Variants in DOCK2 observed in about 807,000 individuals in gnomAD.
DOCK2 encodes the protein dedicator of cytokinesis protein 2.
Under a neutral mutation model 248.9 loss-of-function variants are expected in DOCK2, and 87 were observed. The ratio of observed to expected loss-of-function variants is 0.35; its 90% CI spans 0.29 to 0.42. The LOEUF is 0.42. Ranked by LOEUF, DOCK2 falls within the 10% of genes least tolerant of loss-of-function variation. DOCK2 has a pLI of 1.00. For synonymous variants in DOCK2, 805 were observed against 821.6 expected (o/e 0.98, Z 0.35); for missense variants, 1,747 against 2,300.2 (o/e 0.76, Z 4.92).
intron 23 of DOCK2, among the ~76,000 whole-genome samples, chr5:169,753,627 T>G (rs996059609): frequency 1.3e-5 from 2 of 152,182 alleles, no homozygotes; most frequent in Admixed American, 6.5e-5. Context: ...CACCAAACAA[T>G]AGCGCAATTT....
chr5:169,976,185 A>G (rs565963439), intron 27 of DOCK2, among the ~76,000 whole-genome samples: 1 of 152,382 alleles, frequency 6.6e-6, no homozygotes, highest in South Asian at 2.1e-4. Context: ...ACCTTCTGAC[A>G]AAGAACAATG....
chr5:169,927,852 A>C (rs373165335), intron 27 of DOCK2, among the ~76,000 whole-genome samples: 2 of 152,114 alleles, frequency 1.3e-5, no homozygotes, highest in Non-Finnish European at 2.9e-5. Flanking sequence ...TCCTGACCTC[A>C]TGATCCACCC....
intron 33 of DOCK2, among the ~76,000 whole-genome samples, chr5:170,027,608 C>T (rs1755964412): frequency 6.6e-6 from 1 of 152,238 alleles, no homozygotes. Flanking sequence ...CTCTCTCCCT[C>T]TCCTGCACTC....
At chr5:169,936,545 T>C (rs1447531343) in intron 27 of DOCK2, among the ~76,000 whole-genome samples, 1 of 151,250 alleles carries the variant, frequency 6.6e-6, no homozygotes, top group Non-Finnish European at 1.5e-5. Context: ...TCGATGGGCA[T>C]GTTGGGGAGA....
chr5:169,822,946 C>T (rs759676850), intron 26 of DOCK2, among the ~76,000 whole-genome samples: 1 of 152,088 alleles, frequency 6.6e-6, no homozygotes, highest in African/African-American at 2.4e-5. Context: ...ATATCACCAC[C>T]GATCCCACAG....
intron 27 of DOCK2, chr5:169,864,325 TC>T: frequency 6.4e-7 from 1 of 1,551,644 alleles, no homozygotes; most frequent in Non-Finnish European, 8.7e-7. Flanking sequence ...CCGCCTTAAG[TC>T]CTGCTTTTCC....
At chr5:169,844,949 G>A (rs1770214598) in intron 27 of DOCK2, among the ~76,000 whole-genome samples, 1 of 151,898 alleles carries the variant, frequency 6.6e-6, no homozygotes, top group South Asian at 2.1e-4. Context: ...TCCTTTAGCA[G>A]TTTATGAGAA....
chr5:169,704,151 G>A (rs981291045), intron 14 of DOCK2: 2 of 152,216 alleles, frequency 1.3e-5, no homozygotes, highest in African/African-American at 4.8e-5. Context: ...TCCTCTATTA[G>A]GGAAATTCTG....
At chr5:170,027,668 A>G (rs1023123080) in intron 33 of DOCK2, among the ~76,000 whole-genome samples, 195 bp from the exon 34 acceptor site, 1 of 151,938 alleles carries the variant, frequency 6.6e-6, no homozygotes, top group Admixed American at 6.5e-5. Context: ...GTTATCACCC[A>G]TGGCTCCCCT....
rs567736028 is a variant in DOCK2, at chr5:169,737,516, A to C, written c.2268-9880A>C. The stretch of plus-strand genomic sequence containing the variant: ...AGTGATGTCTTTTTGCATGCTAATG[A>C]GTTGACTGAAGCCTGGAAACCCTTA... On this transcript the variant is annotated intron_variant, in intron 22 of 51. Transcript: ENST00000520908. Among the ~76,000 whole-genome samples, 205 of 152,264 alleles carry C rather than the reference A, an allele frequency of 1.3e-3. 2 individuals carry two copies. In the South Asian group the frequency reaches 0.041, roughly 30 times the overall value.
At position 169,861,652 on chromosome 5, in the gene DOCK2, C is replaced by T. The variant is rs936717860; in HGVS notation, c.2799+20800C>T. 2.6e-5 allele frequency among the ~76,000 whole-genome samples: 4 copies of T among 152,294 alleles called. No homozygotes were observed. The South Asian group carries it at 8.3e-4, about 32-fold the overall frequency. On this transcript the variant is annotated intron_variant, in intron 27 of 51. Coordinates refer to ENST00000520908, the MANE Select transcript of DOCK2 (RefSeq NM_004946.3). ...TGTTACGTAATATTTTACAAAGAAGCAGTGATTTTCACATGAATAAGTGAG... is the reference window on the plus strand; with the variant it reads ...TGTTACGTAATATTTTACAAAGAAGTAGTGATTTTCACATGAATAAGTGAG...
chr5:169,649,055 A>G (rs1421332474), intron 1 of DOCK2, among the ~76,000 whole-genome samples: 1 of 152,234 alleles, frequency 6.6e-6, no homozygotes, highest in Non-Finnish European at 1.5e-5. Context: ...CTTCAGGCAC[A>G]CTGCTTACGC....
chr5:169,688,041 C>T (rs1416443575), intron 8 of DOCK2, among the ~76,000 whole-genome samples: 1 of 152,226 alleles, frequency 6.6e-6, no homozygotes, highest in African/African-American at 2.4e-5. Context: ...TCTTCTGCCT[C>T]AGCCACCCTA....
chr5:169,719,461 A>G (rs1762077413), intron 22 of DOCK2, among the ~76,000 whole-genome samples: 2 of 152,236 alleles, frequency 1.3e-5, no homozygotes, highest in African/African-American at 2.4e-5. Context: ...ACATTCAAGG[A>G]AAGTATTGTC....
At chr5:169,974,308 C>T (rs1020528950) in intron 27 of DOCK2, among the ~76,000 whole-genome samples, 15 of 152,196 alleles carry the variant, frequency 9.9e-5, no homozygotes, top group Admixed American at 1.3e-4. Flanking sequence ...TTGGCTATTA[C>T]GATCATCAGT....
Position 169,714,214 on chromosome 5 carries a change from A to T in DOCK2, c.1843+3A>T. 6.2e-7 allele frequency: 1 copy of T among 1,605,312 alleles called. No homozygotes were observed. Among genetic ancestry groups the T allele is most frequent in the Non-Finnish European group, 8.5e-7 (1 of 1,173,836 alleles). On this transcript the variant is annotated splice_donor_region_variant and intron_variant, in intron 18 of 51. Transcript: ENST00000520908. ...CTCCACAAAGCTCACTCAGAATGGT[A>T]ATCGGGTCATCAAGAGTTGTGTCTG...
chr5:169,981,394 T>C (rs571306731), intron 27 of DOCK2, among the ~76,000 whole-genome samples: 3 of 152,340 alleles, frequency 2.0e-5, no homozygotes, highest in Non-Finnish European at 2.9e-5. Context: ...TTTTTACAAA[T>C]TGAAGGTTTG....
At chr5:169,872,943 C>T (rs554374152) in intron 27 of DOCK2, among the ~76,000 whole-genome samples, 1 of 152,174 alleles carries the variant, frequency 6.6e-6, no homozygotes, top group Admixed American at 6.5e-5. Context: ...GGGCAAAATG[C>T]CTAGTGCAGT....
intron 25 of DOCK2, among the ~76,000 whole-genome samples, chr5:169,783,145 A>C (rs1268156854): frequency 6.6e-6 from 1 of 152,234 alleles, no homozygotes; most frequent in African/African-American, 2.4e-5. Context: ...TGTTAAAGTC[A>C]TTCTTGTAGT....
Sources: gnomAD v4.1 joint callset for allele counts (sites outside exome capture counted in the v4.1 genomes callset) on GRCh38, gnomAD v4.1.1 for gene constraint, MANE v1.5 for transcripts, NCBI Gene and HGNC (gene_info 2026-07-23, HGNC 2026-07-21) for gene names.